The following CTNNA2 variants were observed in gnomAD, a reference collection of about 807,000 sequenced individuals.
The protein encoded by CTNNA2 is catenin alpha 2, also known as catenin alpha-2.
A neutral mutation model predicts 101.0 loss-of-function variants in CTNNA2; 42 were observed. The observed-to-expected ratio is 0.42, with a 90% CI of 0.32 to 0.54. The LOEUF is 0.54. Among genes scored for constraint, CTNNA2 ranks in the 20% least tolerant of loss-of-function variants. The pLI, the probability that CTNNA2 is intolerant of heterozygous loss-of-function variation, is 0.14. For missense variants in CTNNA2, 871 were observed against 1,223.1 expected (o/e 0.71, Z 4.29); for synonymous variants, 450 against 456.4 (o/e 0.99, Z 0.18).
At chr2:79,680,389 G>A (rs1683480331) in intron 2 of CTNNA2, among the ~76,000 whole-genome samples, 2 of 152,108 alleles carry the variant, frequency 1.3e-5, no homozygotes, top group South Asian at 4.1e-4. Context: ...CTCAGGAGGG[G>A]AGGGGACAGT....
At position 79,674,485 on chromosome 2, in the gene CTNNA2, A is replaced by AT. The variant is rs567560595; in HGVS notation, c.102+22827_102+22828insT. ...TTCAAATAATTCACAGGATAGAAAA[A>AT]ATATATAAGAAATTTCTAAATGGCA... On this transcript the variant is annotated intron_variant, in intron 2 of 18. Coordinates refer to ENST00000402739, the MANE Select transcript of CTNNA2 (RefSeq NM_001282597.3). 3.7e-4 allele frequency among the ~76,000 whole-genome samples: 56 copies of AT among 152,290 alleles called. No individual in the cohort carries two copies. The South Asian group carries it at 4.8e-3, about 13-fold the overall frequency.
chr2:80,077,633 G>A (rs897375072), intron 7 of CTNNA2, among the ~76,000 whole-genome samples: 2 of 150,680 alleles, frequency 1.3e-5, no homozygotes, highest in East Asian at 1.9e-4. Flanking sequence ...CAAAACCTAC[G>A]GATACACATA....
In CTNNA2 at chr2:79,214,508, A is replaced by C. The variant is rs541738667; in HGVS notation, c.-406+16432A>C. Among the ~76,000 whole-genome samples the C allele has an allele frequency of 7.9e-4, 121 of 152,306 alleles. 4 individuals are homozygous for C. The South Asian group carries it at 0.024, about 30-fold the overall frequency. On this transcript the variant is annotated intron_variant, in intron 2 of 21. Transcript: ENST00000466387. Reference sequence around the variant, plus strand: ...AGGCTTTAAAAGGCCATGCTATAACAGGCGAGTGATAACAGGCTTTAATCC... The same window carrying C: ...AGGCTTTAAAAGGCCATGCTATAACCGGCGAGTGATAACAGGCTTTAATCC...
At chr2:79,697,470 G>C (rs914682696) in intron 2 of CTNNA2, among the ~76,000 whole-genome samples, 1 of 152,076 alleles carries the variant, frequency 6.6e-6, no homozygotes, top group East Asian at 1.9e-4. Context: ...GCACATGTAA[G>C]TAGAAATTAC....
Position 79,968,238 on chromosome 2 carries a change from A to T in CTNNA2, c.1056+58441A>T, listed in dbSNP as rs1574432547. ...TAAAAAAAAAACAGAGCTCATTTAT[A>T]TCACACCCTCATCTAGAGTAGCTGA... On this transcript the variant is annotated intron_variant, in intron 7 of 18. Transcript: ENST00000402739. Among the ~76,000 whole-genome samples the T allele has an allele frequency of 2.6e-5, 4 of 152,234 alleles. No individual in the cohort carries two copies. The East Asian group carries it at 7.7e-4, about 29-fold the overall frequency.
At chr2:79,483,072 C>T (rs1671125159) in intron 4 of CTNNA2, among the ~76,000 whole-genome samples, 1 of 152,250 alleles carries the variant, frequency 6.6e-6, no homozygotes, top group Non-Finnish European at 1.5e-5. Context: ...CAAAAGTTTA[C>T]TTCCCATGTG....
At chr2:80,141,179 T>C (rs1249685935) in intron 7 of CTNNA2, among the ~76,000 whole-genome samples, 1 of 151,518 alleles carries the variant, frequency 6.6e-6, no homozygotes, top group African/African-American at 2.4e-5. Context: ...TTGAGAAGGG[T>C]GATGAGTCAC....
At chr2:79,783,230 G>C (rs994917569) in intron 3 of CTNNA2, among the ~76,000 whole-genome samples, 3 of 152,282 alleles carry the variant, frequency 2.0e-5, no homozygotes, top group Admixed American at 6.5e-5. Flanking sequence ...GCCAGGGACA[G>C]AATCAGAGTC....
chr2:79,925,678 T>C (rs1490381928), intron 7 of CTNNA2, among the ~76,000 whole-genome samples: 1 of 152,060 alleles, frequency 6.6e-6, no homozygotes, highest in African/African-American at 2.4e-5. Flanking sequence ...CGGGTCCCCA[T>C]TAGTAAGTGA....
rs186280557 is a variant in CTNNA2, at chr2:79,792,429, G to A, written c.298+47847G>A. On this transcript the variant is annotated intron_variant, in intron 3 of 18. Coordinates refer to ENST00000402739, the MANE Select transcript of CTNNA2 (RefSeq NM_001282597.3). ...CAAGCATCCACCTCTGCTCAGCCTT[G>A]TTGCCCCACAAAACTGTGGCAGGCT... is the stretch of plus-strand genomic sequence containing the variant. 2.2e-4 allele frequency among the ~76,000 whole-genome samples: 34 copies of A among 152,226 alleles called. No individual in the cohort carries two copies. In the East Asian group the frequency reaches 5.4e-3, roughly 24 times the overall value.
chr2:79,218,462 C>T (rs894043694), intron 2 of CTNNA2, among the ~76,000 whole-genome samples: 27 of 151,904 alleles, frequency 1.8e-4, no homozygotes, highest in African/African-American at 4.6e-4. Context: ...GGATTATAGG[C>T]GTGAGCCACT....
At chr2:80,434,168 T>C (rs575155163) in intron 9 of CTNNA2, among the ~76,000 whole-genome samples, 69 of 152,242 alleles carry the variant, frequency 4.5e-4, no homozygotes, top group Non-Finnish European at 7.5e-4. Context: ...CTTTAGCCTA[T>C]CTTGGAGAAC....
At chr2:79,768,888 T>A (rs1257660671) in intron 3 of CTNNA2, among the ~76,000 whole-genome samples, 4 of 152,246 alleles carry the variant, frequency 2.6e-5, no homozygotes, top group African/African-American at 9.6e-5. Context: ...TGAGTCTCAC[T>A]CTGTCGCCCA....
intron 7 of CTNNA2, among the ~76,000 whole-genome samples, chr2:80,099,813 A>T (rs139398609): frequency 7.7e-4 from 117 of 151,966 alleles, no homozygotes; most frequent in African/African-American, 2.6e-3. Context: ...CTACAGATTC[A>T]CGGGGTGGAG....
chr2:79,761,744 GACTAA>G (rs967069657), intron 3 of CTNNA2, among the ~76,000 whole-genome samples: 3 of 152,168 alleles, frequency 2.0e-5, no homozygotes, highest in African/African-American at 7.2e-5. Flanking sequence ...AAAGGAAAGA[GACTAA>G]TTGGTTTACT....
chr2:79,335,708 T>G (rs1001153757), intron 3 of CTNNA2, among the ~76,000 whole-genome samples: 8 of 152,218 alleles, frequency 5.3e-5, no homozygotes, highest in Non-Finnish European at 8.8e-5. Flanking sequence ...GGGGCTTCTC[T>G]CATCTGTTGG....
rs376537992 is a variant in CTNNA2 at position 80,100,804 on chromosome 2, G to A, written c.1056+191007G>A. 5.3e-5 allele frequency among the ~76,000 whole-genome samples: 8 copies of A among 152,300 alleles called. No individual in the cohort carries two copies. In the East Asian group the frequency reaches 1.5e-3, roughly 29 times the overall value. On this transcript the variant is annotated intron_variant, in intron 7 of 18. Coordinates refer to ENST00000402739, the MANE Select transcript of CTNNA2 (RefSeq NM_001282597.3). ...TTCAGCACTCTCATCAACATTGGTG[G>A]AAACCTTCAACCTTCTGAGCATACA...
At chr2:79,678,614 C>T (rs1381320972) in intron 2 of CTNNA2, among the ~76,000 whole-genome samples, 1 of 152,064 alleles carries the variant, frequency 6.6e-6, no homozygotes, top group African/African-American at 2.4e-5. Flanking sequence ...GGCTGTGTCC[C>T]TGTCTGAGTT....
intron 7 of CTNNA2, among the ~76,000 whole-genome samples, chr2:80,169,438 C>T (rs1399491495): frequency 2.0e-5 from 3 of 152,110 alleles, no homozygotes; most frequent in Non-Finnish European, 4.4e-5. Context: ...TAAAGGTATA[C>T]GTGTTACAAA....
Sources: gnomAD v4.1 joint callset for allele counts (sites outside exome capture counted in the v4.1 genomes callset) on GRCh38, gnomAD v4.1.1 for gene constraint, MANE v1.5 for transcripts, NCBI Gene and HGNC (gene_info 2026-07-23, HGNC 2026-07-21) for gene names.